The following ZRANB3 variants were observed in gnomAD, a reference collection of about 807,000 sequenced individuals.
ZRANB3 encodes the protein DNA annealing helicase and endonuclease ZRANB3.
In ZRANB3, 125 loss-of-function variants were observed where a neutral mutation model predicts 133.8. That is an observed-to-expected ratio of 0.93 (90% CI 0.81 to 1.08). The LOEUF (loss-of-function observed/expected upper bound fraction) is 1.08. Ranked by LOEUF, ZRANB3 falls within the 50% of genes least tolerant of loss-of-function variation. The probability of loss-of-function intolerance (pLI) is 0.00; values close to 1 mark genes in which losing one functional copy is unlikely to be tolerated. For synonymous variants in ZRANB3, 387 were observed against 432.7 expected (o/e 0.89, Z 1.31); for missense variants, 1,229 against 1,275.5 (o/e 0.96, Z 0.56).
At position 135,278,731 on chromosome 2, in the gene ZRANB3, A is replaced by T. The variant is rs1276528008; in HGVS notation, c.967-2976T>A. On this transcript the variant is annotated intron_variant, in intron 8 of 20. Transcript: ENST00000264159. ...GAAGAAAAGAAAAACCTTTATAATT[A>T]TTAATGCCAAAGAAAATAAAATGAG... Among the ~76,000 whole-genome samples the T allele has an allele frequency of 2.0e-5, 3 of 152,204 alleles. No homozygotes were observed. The East Asian group carries it at 5.8e-4, about 29-fold the overall frequency.
At chr2:135,389,876 C>CTTTTTT (rs1165827390) in intron 3 of ZRANB3, among the ~76,000 whole-genome samples, 40 of 102,322 alleles carry the variant, frequency 3.9e-4, no homozygotes, top group East Asian at 6.1e-4. Flanking sequence ...TGCTGTTATT[C>CTTTTTT]TTTTTTTTTT....
chr2:135,365,647 G>T (rs1448503076), intron 3 of ZRANB3, among the ~76,000 whole-genome samples: 1 of 152,188 alleles, frequency 6.6e-6, no homozygotes, highest in African/African-American at 2.4e-5. Context: ...AACACATGAA[G>T]ATAAGGATTA....
In ZRANB3 at chr2:135,527,142, T is replaced by G. The variant is rs527537788; in HGVS notation, c.-8+3985A>C. On this transcript the variant is annotated intron_variant, in intron 1 of 20. Coordinates refer to ENST00000264159, the MANE Select transcript of ZRANB3 (RefSeq NM_032143.4). ...CCGAGGGCTGTGTCATGGGCCATGG[T>G]CACTCATATTTGGCTCAGCATAAAT... Among the ~76,000 whole-genome samples the G allele has an allele frequency of 8.1e-4, 124 of 152,304 alleles. 1 individual carries two copies. The highest frequency in any genetic ancestry group is 2.6e-3 in the African/African-American group (110 of 41,550).
At chr2:135,220,196 C>G (rs193114524) in intron 15 of ZRANB3, among the ~76,000 whole-genome samples, 4 of 152,046 alleles carry the variant, frequency 2.6e-5, no homozygotes, top group African/African-American at 9.7e-5. Context: ...TGAGCCACCA[C>G]GCCCAGCCCC....
chr2:135,308,814 T>C (rs1682828575), intron 8 of ZRANB3, among the ~76,000 whole-genome samples: 1 of 151,912 alleles, frequency 6.6e-6, no homozygotes, highest in East Asian at 2.0e-4. Flanking sequence ...TGCTAGAACA[T>C]TAGCTATTTT....
chr2:135,322,763 T>A (rs867556520), intron 6 of ZRANB3, among the ~76,000 whole-genome samples: 2 of 152,132 alleles, frequency 1.3e-5, no homozygotes, highest in Non-Finnish European at 2.9e-5. Context: ...ACGCCTGTAA[T>A]CTTAGCACTT....
intron 2 of ZRANB3, among the ~76,000 whole-genome samples, chr2:135,402,452 G>A (rs1445471480): frequency 6.6e-6 from 1 of 151,770 alleles, no homozygotes; most frequent in East Asian, 1.9e-4. Context: ...CCACCACCAC[G>A]TCCGGCTAAT....
intron 3 of ZRANB3, among the ~76,000 whole-genome samples, chr2:135,382,769 C>A (rs748671668): frequency 1.3e-5 from 2 of 152,074 alleles, no homozygotes; most frequent in Non-Finnish European, 2.9e-5. Context: ...GAAATAAAAT[C>A]CTTTACAGAC....
intron 6 of ZRANB3, among the ~76,000 whole-genome samples, chr2:135,323,584 T>G (rs1683647563): frequency 6.6e-6 from 1 of 151,482 alleles, no homozygotes; most frequent in Non-Finnish European, 1.5e-5. Flanking sequence ...ATGAAAAGAG[T>G]AGAATGTAAA....
intron 13 of ZRANB3, among the ~76,000 whole-genome samples, chr2:135,228,679 A>G (rs1672356905): frequency 6.6e-6 from 1 of 152,186 alleles, no homozygotes; most frequent in Non-Finnish European, 1.5e-5. Context: ...GAGGCGAGAA[A>G]GAGACCAAAG....
At chr2:135,287,016 T>C (rs1681407970) in intron 8 of ZRANB3, among the ~76,000 whole-genome samples, 1 of 152,190 alleles carries the variant, frequency 6.6e-6, no homozygotes, top group Non-Finnish European at 1.5e-5. Context: ...CTAGAAGGGG[T>C]TGTCCAATGT....
chr2:135,302,464 A>T (rs1319521998), intron 8 of ZRANB3, among the ~76,000 whole-genome samples: 1 of 151,910 alleles, frequency 6.6e-6, no homozygotes, highest in Non-Finnish European at 1.5e-5. Context: ...TCCTTCAAGA[A>T]TCCTAGGAAT....
chr2:135,377,577 T>A (rs551980153), intron 3 of ZRANB3, among the ~76,000 whole-genome samples: 1 of 152,278 alleles, frequency 6.6e-6, no homozygotes, highest in South Asian at 2.1e-4. Context: ...AGGAGTGGGT[T>A]CCCAATTGCC....
At chr2:135,359,552 C>T (rs1307068702) in intron 3 of ZRANB3, among the ~76,000 whole-genome samples, 48 of 147,542 alleles carry the variant, frequency 3.3e-4, no homozygotes, top group African/African-American at 1.2e-3. Context: ...CACTGCACTC[C>T]AGCCTGGGTG....
At chr2:135,315,265 C>G (rs1313131832) in intron 7 of ZRANB3, 94 bp downstream of exon 7, 1 of 1,210,118 alleles carries the variant, frequency 8.3e-7, no homozygotes, top group African/African-American at 1.6e-5. Flanking sequence ...GAAAGCAAAC[C>G]TTTCCTTCTG....
At chr2:135,451,994 T>C (rs1300368146) in intron 2 of ZRANB3, among the ~76,000 whole-genome samples, 1 of 151,884 alleles carries the variant, frequency 6.6e-6, no homozygotes, top group Admixed American at 6.6e-5. Flanking sequence ...GGGAGAGAAG[T>C]CAAAAAATAT....
At chr2:135,367,562 A>G (rs903058229) in intron 3 of ZRANB3, among the ~76,000 whole-genome samples, 1 of 152,222 alleles carries the variant, frequency 6.6e-6, no homozygotes, top group African/African-American at 2.4e-5. Context: ...ACAAATCTGG[A>G]AAAGTTAATA....
chr2:135,362,023 C>G (rs1022380837), intron 3 of ZRANB3, among the ~76,000 whole-genome samples: 16 of 152,006 alleles, frequency 1.1e-4, no homozygotes, highest in African/African-American at 3.1e-4. Context: ...ACAGTGAAAC[C>G]TTATCTCTAC....
intron 2 of ZRANB3, among the ~76,000 whole-genome samples, chr2:135,424,748 A>T (rs922021293): frequency 6.6e-6 from 1 of 152,172 alleles, no homozygotes; most frequent in Admixed American, 6.5e-5. Flanking sequence ...AAATGAATAA[A>T]TACATAAAAT....
Sources: allele counts gnomAD v4.1 joint callset (sites outside exome capture counted in the v4.1 genomes callset), GRCh38; gene constraint gnomAD v4.1.1; transcripts MANE v1.5; gene names NCBI Gene and HGNC (gene_info 2026-07-23, HGNC 2026-07-21).